THSD7B: variants seen among roughly 807,000 people sequenced by gnomAD.
THSD7B encodes the protein thrombospondin type-1 domain-containing protein 7B.
THSD7B carries 138 observed loss-of-function variants against 213.6 expected under a neutral mutation model. The ratio of observed to expected loss-of-function variants is 0.65; its 90% confidence interval spans 0.56 to 0.74. THSD7B has a LOEUF of 0.74. Ranked by LOEUF, THSD7B falls within the 30% of genes least tolerant of loss-of-function variation. The pLI is 0.00. For synonymous variants in THSD7B, 742 were observed against 687.0 expected (o/e 1.08, Z -1.25); for missense variants, 1,931 against 1,991.5 (o/e 0.97, Z 0.58).
At chr2:137,267,796 A>G (rs1315784027) in intron 10 of THSD7B, among the ~76,000 whole-genome samples, 1 of 152,246 alleles carries the variant, frequency 6.6e-6, no homozygotes, top group Non-Finnish European at 1.5e-5. Context: ...GAAACATTTA[A>G]TATGTTTTAC....
chr2:137,462,483 A>G (rs1290449177), intron 15 of THSD7B, among the ~76,000 whole-genome samples: 1 of 152,036 alleles, frequency 6.6e-6, no homozygotes, highest in Non-Finnish European at 1.5e-5. Flanking sequence ...ATCACTAACC[A>G]ATGCTATTTC....
At chr2:137,206,727 G>A (rs529796491) in intron 7 of THSD7B, among the ~76,000 whole-genome samples, 1 of 152,152 alleles carries the variant, frequency 6.6e-6, no homozygotes, top group African/African-American at 2.4e-5. Flanking sequence ...ATGTATCTGA[G>A]TAAGGGCGAG....
intron 17 of THSD7B, among the ~76,000 whole-genome samples, chr2:137,598,964 C>A (rs2197832): frequency 2.7e-5 from 4 of 146,962 alleles, no homozygotes; most frequent in Non-Finnish European, 5.9e-5. Flanking sequence ...ACATGTGCCA[C>A]GCTGGTGCAC....
intron 12 of THSD7B, among the ~76,000 whole-genome samples, chr2:137,368,568 T>C (rs1685472056): frequency 6.6e-6 from 1 of 152,182 alleles, no homozygotes; most frequent in African/African-American, 2.4e-5. Context: ...AGTGATACTA[T>C]ATTCCAGTAT....
At chr2:136,981,134 A>G (rs925768955) in intron 2 of THSD7B, among the ~76,000 whole-genome samples, 3 of 152,196 alleles carry the variant, frequency 2.0e-5, no homozygotes, top group African/African-American at 7.2e-5. Flanking sequence ...TTTGTAAAAG[A>G]GTGAATGTAA....
At chr2:137,137,265 C>A (rs1173033105) in intron 5 of THSD7B, among the ~76,000 whole-genome samples, 1 of 152,126 alleles carries the variant, frequency 6.6e-6, no homozygotes, top group African/African-American at 2.4e-5. Context: ...CCGCCCCTTC[C>A]CAGTTAACTC....
At chr2:136,806,393 C>T (rs1682281305) in intron 1 of THSD7B, among the ~76,000 whole-genome samples, 1 of 152,174 alleles carries the variant, frequency 6.6e-6, no homozygotes, top group African/African-American at 2.4e-5. Context: ...CTCAGCTCCT[C>T]AGGCTGTTCT....
chr2:136,865,233 G>A, intron 1 of THSD7B, among the ~76,000 whole-genome samples: 1 of 152,204 alleles, frequency 6.6e-6, no homozygotes, highest in Non-Finnish European at 1.5e-5. Context: ...GGGAAACCAT[G>A]CTTCATAGAG....
intron 1 of THSD7B, among the ~76,000 whole-genome samples, chr2:136,814,421 C>CA (rs1264431155): frequency 6.6e-6 from 1 of 151,658 alleles, no homozygotes; most frequent in Non-Finnish European, 1.5e-5. Context: ...TTTTTTGAGA[C>CA]AGAGTCTTGC....
At chr2:136,795,858 T>C (rs1358416753) in intron 1 of THSD7B, among the ~76,000 whole-genome samples, 1 of 152,010 alleles carries the variant, frequency 6.6e-6, no homozygotes, top group African/African-American at 2.4e-5. Flanking sequence ...TCAGCATGCA[T>C]ACTTATTATA....
chr2:137,308,504 A>G (rs1022774380), intron 12 of THSD7B, among the ~76,000 whole-genome samples: 2 of 152,094 alleles, frequency 1.3e-5, no homozygotes, highest in East Asian at 1.9e-4. Flanking sequence ...CCCATTGTAG[A>G]TATATCATAT....
intron 1 of THSD7B, among the ~76,000 whole-genome samples, chr2:136,816,453 A>G (rs1682475717): frequency 6.6e-6 from 1 of 152,136 alleles, no homozygotes; most frequent in African/African-American, 2.4e-5. Flanking sequence ...ATTTTTGAAA[A>G]CTATGATTTT....
intron 2 of THSD7B, among the ~76,000 whole-genome samples, chr2:136,884,192 G>A (rs992819709): frequency 2.0e-5 from 3 of 152,142 alleles, no homozygotes; most frequent in Non-Finnish European, 4.4e-5. Context: ...ATGCGAAGTC[G>A]GCAGTTGAGA....
chr2:137,044,414 A>G (rs544470573), intron 2 of THSD7B, among the ~76,000 whole-genome samples: 10 of 152,238 alleles, frequency 6.6e-5, no homozygotes, highest in Non-Finnish European at 7.4e-5. Context: ...TGCGGTTACT[A>G]TGATGAACCT....
At chr2:137,123,212 G>T (rs574026448) in intron 5 of THSD7B, among the ~76,000 whole-genome samples, 1 of 152,190 alleles carries the variant, frequency 6.6e-6, no homozygotes, top group Non-Finnish European at 1.5e-5. Context: ...CGTGGTGTCT[G>T]GGATCTGGCT....
intron 15 of THSD7B, among the ~76,000 whole-genome samples, chr2:137,552,874 G>T (rs1048623117): frequency 3.3e-5 from 5 of 151,930 alleles, no homozygotes; most frequent in South Asian, 4.1e-4. Context: ...AACCCATGTG[G>T]GGGGAAAGTG....
chr2:137,101,855 G>T (rs1010754306), intron 4 of THSD7B, among the ~76,000 whole-genome samples: 3 of 152,212 alleles, frequency 2.0e-5, no homozygotes, highest in African/African-American at 7.2e-5. Flanking sequence ...TCCTCTTTGG[G>T]CAGGGCATCT....
At chr2:137,340,046 C>T (rs943253725) in intron 12 of THSD7B, among the ~76,000 whole-genome samples, 7 of 151,738 alleles carry the variant, frequency 4.6e-5, no homozygotes, top group Admixed American at 3.3e-4. Flanking sequence ...GTGTTTGGTA[C>T]ATTGGAGATA....
chr2:137,129,670 G>A (rs946981982), intron 5 of THSD7B, among the ~76,000 whole-genome samples: 2 of 151,980 alleles, frequency 1.3e-5, no homozygotes, highest in Non-Finnish European at 2.9e-5. Context: ...CTAACTTTTG[G>A]CCTCAAGCGA....
Sources: allele counts gnomAD v4.1 joint callset (sites outside exome capture counted in the v4.1 genomes callset), GRCh38; gene constraint gnomAD v4.1.1; transcripts MANE v1.5; gene names NCBI Gene and HGNC (gene_info 2026-07-23, HGNC 2026-07-21).